The following SPTBN1 variants were observed in gnomAD, a reference collection of about 807,000 sequenced individuals.
SPTBN1 encodes the protein spectrin beta, non-erythrocytic 1.
In SPTBN1, 32 loss-of-function variants were observed where a neutral mutation model predicts 266.4. The observed-to-expected ratio is 0.12, with a 90% CI of 0.09 to 0.16. The LOEUF (loss-of-function observed/expected upper bound fraction) is 0.16, where lower values mean the gene tolerates loss of function less well. Among genes scored for constraint, SPTBN1 ranks in the 10% least tolerant of loss-of-function variants. The pLI, the probability that SPTBN1 is intolerant of heterozygous loss-of-function variation, is 1.00. For synonymous variants in SPTBN1, 1,336 were observed against 1,162.2 expected, an observed-to-expected ratio of 1.15 and a Z score of -3.04; for missense variants, 2,296 against 3,067.1, an observed-to-expected ratio of 0.75 and a Z score of 5.94.
chr2:54,589,423 T>C (rs114946470), intron 2 of SPTBN1, among the ~76,000 whole-genome samples: 20 of 152,308 alleles, frequency 1.3e-4, no homozygotes, highest in African/African-American at 4.8e-4. Context: ...AGAAAGGCCC[T>C]CTGGAAGCTG....
At chr2:54,657,019 C>CT (rs1421340075) in intron 29 of SPTBN1, among the ~76,000 whole-genome samples, 9 of 152,236 alleles carry the variant, frequency 5.9e-5, no homozygotes, top group Admixed American at 5.9e-4. Context: ...TAGCCAGCTC[C>CT]TTGGGACACC....
At chr2:54,604,787 A>G (rs1189047441) in intron 3 of SPTBN1, among the ~76,000 whole-genome samples, 2 of 152,220 alleles carry the variant, frequency 1.3e-5, no homozygotes, top group Admixed American at 6.5e-5. Flanking sequence ...TGCCTGTGAA[A>G]AAAACACAGG....
rs779986830 is a variant in SPTBN1, at chr2:54,649,675, G to A, written c.5263G>A (p.Val1755Met). The A allele has an allele frequency of 5.6e-6, 9 of 1,613,866 alleles. No homozygotes were observed. The highest frequency in any genetic ancestry group is 7.6e-6 in the Non-Finnish European group (9 of 1,179,884). The change falls in exon 26 of 36, where the codon GTG (valine) becomes ATG (methionine). Residue 1755 changes from valine (V) to methionine (M), a missense_variant. Physicochemically the swap from Val to Met is conservative, Grantham distance 21. This residue lies in a region of SPTBN1 where 644 missense variants were observed against 745.3 expected (regional missense o/e 0.86). Transcript: ENST00000356805. This position sits in a 1 kb window ranked among gnomAD's most constrained non-coding sequence, Gnocchi z 6.7. ...CACCGGGAACATTGGGCAGGAGCGC[G>A]TGGACACGGTCAATCACCTGGCAGA... ...RDTGNIGQER[V>M]DTVNHLADEL...
intron 1 of SPTBN1, among the ~76,000 whole-genome samples, chr2:54,489,320 C>CAA (rs201451946): frequency 2.4e-4 from 27 of 110,448 alleles, no homozygotes; most frequent in Non-Finnish European, 3.4e-4. Context: ...GACCCTGTCT[C>CAA]AAAAAAAAAA....
At chr2:54,592,844 G>A (rs1309626997) in intron 2 of SPTBN1, among the ~76,000 whole-genome samples, 2 of 152,170 alleles carry the variant, frequency 1.3e-5, no homozygotes, top group Admixed American at 1.3e-4. Flanking sequence ...AGAAAGAGCC[G>A]AGGACCTCAC....
intron 2 of SPTBN1, among the ~76,000 whole-genome samples, chr2:54,583,997 A>G (rs1009535874): frequency 6.6e-6 from 1 of 152,272 alleles, no homozygotes; most frequent in African/African-American, 2.4e-5. Context: ...ATAGAAATAC[A>G]GAAGTGGAAA....
intron 1 of SPTBN1, among the ~76,000 whole-genome samples, chr2:54,504,461 A>G (rs910963017): frequency 1.3e-5 from 2 of 152,302 alleles, no homozygotes; most frequent in East Asian, 3.9e-4. Context: ...CCAACCATGG[A>G]TAGAAAATAT....
In SPTBN1 at chr2:54,669,791, C is replaced by T. The variant is rs142614642; in HGVS notation, c.*1222C>T. The T allele has an allele frequency of 4.6e-5, 7 of 152,464 alleles. No individual in the cohort carries two copies. Among genetic ancestry groups the T allele is most frequent in the African/African-American group, 1.7e-4 (7 of 41,580 alleles). 9.4% of individuals were successfully genotyped at this position (152,464 alleles called of 1,614,324 possible). A position where few individuals can be genotyped will look rare whatever the true frequency, so the allele number is the denominator to read the frequency against. On this transcript the variant is annotated 3_prime_UTR_variant, in exon 36 of 36. Transcript: ENST00000356805. ...TACAACCAGTCTGGGCTCACTTTTG[C>T]ATTTTTTATGCATGTCTGGTGCACA...
chr2:54,519,000 C>T (rs1269482043), intron 1 of SPTBN1, among the ~76,000 whole-genome samples: 1 of 151,728 alleles, frequency 6.6e-6, no homozygotes, highest in Admixed American at 6.6e-5. Context: ...TTCACTCTTT[C>T]ATTAGCAGCC....
Position 54,655,120 on chromosome 2 carries a change from C to G in SPTBN1, c.5873C>G (p.Ala1958Gly). The change falls in exon 28 of 36, where the codon GCT becomes GGT. Residue 1958 changes from alanine (A) to glycine (G), a missense_variant. Ala to Gly is a moderately conservative substitution (Grantham distance 60, BLOSUM62 0). Coordinates refer to ENST00000356805, the MANE Select transcript of SPTBN1 (RefSeq NM_003128.3). The stretch of plus-strand genomic sequence containing the variant: ...ATGAATAATCATCAAGGCATCAAAG[C>G]TGAAATTGATGCACGTAATGACAGT... ...LLMNNHQGIK[A>G]EIDARNDSFT... 2 of 1,614,126 alleles carry G rather than the reference C, an allele frequency of 1.2e-6. No homozygotes were observed. The highest frequency in any genetic ancestry group is 1.7e-6 in the Non-Finnish European group (2 of 1,179,978).
chr2:54,616,177 A>C (rs763216705), intron 4 of SPTBN1, 30 bp from the exon 5 acceptor site: 2 of 1,601,274 alleles, frequency 1.2e-6, no homozygotes, highest in Admixed American at 1.7e-5. Context: ...TGACCCATCT[A>C]TTTGTCTAAT....
At chr2:54,640,683 C>T (rs968651624) in intron 18 of SPTBN1, among the ~76,000 whole-genome samples, 1 of 152,224 alleles carries the variant, frequency 6.6e-6, no homozygotes, top group Non-Finnish European at 1.5e-5. Flanking sequence ...TTCCAAGTAG[C>T]TGGGATTCCA....
chr2:54,505,103 A>T (rs1055745972), intron 1 of SPTBN1, among the ~76,000 whole-genome samples: 1 of 152,256 alleles, frequency 6.6e-6, no homozygotes, highest in Non-Finnish European at 1.5e-5. Context: ...TTATTTTGAA[A>T]TATCTTCTGA....
At position 54,664,416 on chromosome 2, in the gene SPTBN1, C is replaced by T; in HGVS notation, c.6421-37C>T. 1.3e-6 allele frequency: 2 copies of T among 1,590,028 alleles called. No homozygotes were observed. The highest frequency in any genetic ancestry group is 1.7e-5 in the Admixed American group (1 of 59,220). ...AGCGTATGTGGTCACCCCCATGGCTCACGGAGTTAGCTGAATGGCCTCTCC... is the reference window on the plus strand; with the variant it reads ...AGCGTATGTGGTCACCCCCATGGCTTACGGAGTTAGCTGAATGGCCTCTCC... On this transcript the variant is annotated intron_variant, in intron 32 of 35. Transcript: ENST00000356805. The surrounding 1 kb of genome is among the most constrained non-coding windows in gnomAD (Gnocchi z 5.6).
At chr2:54,515,020 C>T (rs962049418) in intron 1 of SPTBN1, among the ~76,000 whole-genome samples, 1 of 152,208 alleles carries the variant, frequency 6.6e-6, no homozygotes, top group Non-Finnish European at 1.5e-5. Context: ...TAAACCTCCC[C>T]AAATGGTTCC....
intron 2 of SPTBN1, among the ~76,000 whole-genome samples, chr2:54,553,064 TG>T (rs1558832199): frequency 1.3e-5 from 2 of 152,216 alleles, no homozygotes; most frequent in Admixed American, 6.5e-5. Flanking sequence ...ATTGTTCTTT[TG>T]GGGGGAAAAG....
intron 1 of SPTBN1, among the ~76,000 whole-genome samples, chr2:54,489,626 G>C (rs193120386): frequency 1.6e-3 from 239 of 152,290 alleles, no homozygotes; most frequent in Non-Finnish European, 2.5e-3. Context: ...TTGAACCTGG[G>C]AGGTGGAGGT....
intron 2 of SPTBN1, among the ~76,000 whole-genome samples, chr2:54,580,417 C>G (rs1674813529): frequency 6.6e-6 from 1 of 152,158 alleles, no homozygotes; most frequent in East Asian, 1.9e-4. Flanking sequence ...CCCATACCAG[C>G]TTTTCACATC....
chr2:54,643,248 C>T (rs1679695273), intron 19 of SPTBN1, 119 bp downstream of exon 19: 2 of 1,421,634 alleles, frequency 1.4e-6, no homozygotes, highest in Non-Finnish European at 1.9e-6. Flanking sequence ...ACGTAAGTTA[C>T]ACAGCCAGTA....
Sources: gnomAD v4.1 joint callset for allele counts (sites outside exome capture counted in the v4.1 genomes callset) on GRCh38, gnomAD v4.1.1 for gene constraint, gnomAD v4.1.1 regional missense constraint, Gnocchi (gnomAD v3.1) non-coding constraint, MANE v1.5 for transcripts, NCBI Gene and HGNC (gene_info 2026-07-23, HGNC 2026-07-21) for gene names.